The following SLK variants were observed in gnomAD, a reference collection of about 807,000 sequenced individuals.
The protein encoded by SLK is STE20 like kinase, also known as STE20-like serine/threonine-protein kinase.
Under a neutral mutation model 147.7 loss-of-function variants are expected in SLK, and 67 were observed. The observed-to-expected ratio is 0.45, with a 90% confidence interval of 0.37 to 0.56. The LOEUF (loss-of-function observed/expected upper bound fraction) is 0.56. Ranked by LOEUF, SLK falls within the 20% of genes least tolerant of loss-of-function variation. The pLI is 0.00. For synonymous variants in SLK, 441 were observed against 475.0 expected, an observed-to-expected ratio of 0.93 and a Z score of 0.93; for missense variants, 1,136 against 1,438.8, an observed-to-expected ratio of 0.79 and a Z score of 3.41.
At chr10:103,979,738 C>G (rs1305270354) in intron 1 of SLK, among the ~76,000 whole-genome samples, 1 of 152,040 alleles carries the variant, frequency 6.6e-6, no homozygotes, top group Non-Finnish European at 1.5e-5. Context: ...TTATGGGGGT[C>G]ATTATACATT....
At chr10:103,995,820 A>G (rs569167218) in intron 4 of SLK, among the ~76,000 whole-genome samples, 57 of 152,254 alleles carry the variant, frequency 3.7e-4, no homozygotes, top group African/African-American at 1.3e-3. Context: ...GCAGTTTTCT[A>G]TATTGGCCAT....
At chr10:103,981,412 T>C (rs890098158) in intron 1 of SLK, among the ~76,000 whole-genome samples, 1 of 152,166 alleles carries the variant, frequency 6.6e-6, no homozygotes, top group African/African-American at 2.4e-5. Context: ...TCAGAATTCA[T>C]TGTCAAGTCC....
chr10:104,021,536 A>G (rs1844533793), intron 17 of SLK, 84 bp from the exon 18 acceptor site: 2 of 730,340 alleles, frequency 2.7e-6, no homozygotes, highest in East Asian at 5.3e-5. Context: ...TTGATGAGTA[A>G]TTTATTATTA....
chr10:103,993,699 A>G (rs1844129401), intron 4 of SLK, among the ~76,000 whole-genome samples: 1 of 152,190 alleles, frequency 6.6e-6, no homozygotes, highest in African/African-American at 2.4e-5. Flanking sequence ...AATTAGATGT[A>G]GGTCTTATGA....
Position 103,990,716 on chromosome 10 carries a change from G to A in SLK, c.192G>A (p.Val64=). ...CCAGTGTTTTAGCTGCTGCAAAAGTGATTGACACTAAATCTGAAGAAGAAC... is the reference window on the plus strand; with the variant it reads ...CCAGTGTTTTAGCTGCTGCAAAAGTAATTGACACTAAATCTGAAGAAGAAC... ...KETSVLAAAK[V]IDTKSEEELE... The change falls in exon 2 of 19, where the codon GTG becomes GTA. Residue 64 remains valine, a synonymous_variant. Transcript: ENST00000369755. The A allele has an allele frequency of 1.9e-6, 3 of 1,573,264 alleles. No homozygotes were observed. Among genetic ancestry groups the A allele is most frequent in the Non-Finnish European group, 2.6e-6 (3 of 1,163,172 alleles).
At chr10:103,988,618 A>G (rs941488949) in intron 1 of SLK, among the ~76,000 whole-genome samples, 2 of 152,222 alleles carry the variant, frequency 1.3e-5, no homozygotes, top group African/African-American at 4.8e-5. Context: ...CTTACTAGCT[A>G]CATGACCTGG....
rs1316296970 is a variant in SLK at position 103,999,275 on chromosome 10, A to G, written c.744A>G (p.Ala248=). 6.2e-7 allele frequency: 1 copy of G among 1,613,150 alleles called. No individual in the cohort carries two copies. Among genetic ancestry groups the G allele is most frequent in the Non-Finnish European group, 8.5e-7 (1 of 1,179,618 alleles). The change falls in exon 6 of 19, where the codon GCA becomes GCG. Residue 248 remains alanine (A), a synonymous_variant. Transcript: ENST00000369755. The part of the protein sequence containing the change: ...LNPMRVLLKI[A]KSEPPTLAQP... ...CAATGCGAGTGCTGCTAAAAATAGCAAAATCTGAGCCACCTACATTAGCAC... is the reference window on the plus strand; with the variant it reads ...CAATGCGAGTGCTGCTAAAAATAGCGAAATCTGAGCCACCTACATTAGCAC...
intron 15 of SLK, chr10:104,019,194 G>A (rs1844502660): frequency 7.5e-6 from 2 of 266,294 alleles, no homozygotes; most frequent in South Asian, 4.9e-5. Flanking sequence ...GGCTCTATTT[G>A]TGGTTCAAGT....
chr10:104,022,395 G>T (rs375803067), intron 18 of SLK, among the ~76,000 whole-genome samples: 3 of 152,092 alleles, frequency 2.0e-5, no homozygotes, highest in African/African-American at 7.2e-5. Flanking sequence ...TATTCACCTG[G>T]TCTTACTGGC....
chr10:103,984,970 A>G (rs1170226260), intron 1 of SLK, among the ~76,000 whole-genome samples: 7 of 152,162 alleles, frequency 4.6e-5, no homozygotes, highest in African/African-American at 1.4e-4. Flanking sequence ...ATAGATTTTT[A>G]TGCAGTAGTT....
In SLK at chr10:103,981,066, T is replaced by C. The variant is rs561833846; in HGVS notation, c.151-9609T>C. 2.1e-4 allele frequency among the ~76,000 whole-genome samples: 32 copies of C among 152,292 alleles called. 1 individual carries two copies. The South Asian group carries it at 5.6e-3, about 27-fold the overall frequency. ...TACTTATATAGTTTTGACTTATATA[T>C]CTCTAATATTAGTGACGTTGAGCAT... is the stretch of plus-strand genomic sequence containing the variant. On this transcript the variant is annotated intron_variant, in intron 1 of 18. Coordinates refer to ENST00000369755, the MANE Select transcript of SLK (RefSeq NM_014720.4).
At chr10:103,985,230 G>C (rs922233670) in intron 1 of SLK, among the ~76,000 whole-genome samples, 1 of 152,160 alleles carries the variant, frequency 6.6e-6, no homozygotes, top group African/African-American at 2.4e-5. Flanking sequence ...TACTATCCAA[G>C]GTTTCCAGCA....
At chr10:104,018,333 C>T in intron 14 of SLK, 44 bp downstream of exon 14, 2 of 1,547,728 alleles carry the variant, frequency 1.3e-6, no homozygotes, top group Non-Finnish European at 1.8e-6. Flanking sequence ...TGTAGAATTC[C>T]TTATGACAGT....
Position 104,002,762 on chromosome 10 carries a change from A to G in SLK, c.1584A>G (p.Gln528=). The change falls in exon 9 of 19, where the codon CAA becomes CAG. Residue 528 remains glutamine, a synonymous_variant. Transcript: ENST00000369755. ...TTGGGCTTACAAAGGAAGACACCCA[A>G]GAGAAATTGGGGGAAGACGACAAAA... ...SEVGLTKEDT[Q]EKLGEDDKTQ... 1 of 1,614,130 alleles carries G rather than the reference A, an allele frequency of 6.2e-7. No homozygotes were observed. The highest frequency in any genetic ancestry group is 8.5e-7 in the Non-Finnish European group (1 of 1,180,040).
At chr10:104,006,443 G>A (rs1844327246) in intron 11 of SLK, among the ~76,000 whole-genome samples, 1 of 152,116 alleles carries the variant, frequency 6.6e-6, no homozygotes, top group Admixed American at 6.5e-5. Context: ...CTGAGCAGTA[G>A]GACTCCTCAG....
In SLK at chr10:103,979,900, A is replaced by G. The variant is rs1490131074; in HGVS notation, c.151-10775A>G. Among the ~76,000 whole-genome samples, 3 of 152,144 alleles carry G rather than the reference A, an allele frequency of 2.0e-5. 1 individual carries two copies. The South Asian group carries it at 6.2e-4, about 31-fold the overall frequency. ...TTTATTAACTTTTCCCTACATGGCT[A>G]ATGTTTTTGTCTTAAGAAATTCTTT... is the stretch of plus-strand genomic sequence containing the variant. On this transcript the variant is annotated intron_variant, in intron 1 of 18. Coordinates refer to ENST00000369755, the MANE Select transcript of SLK (RefSeq NM_014720.4).
intron 2 of SLK, among the ~76,000 whole-genome samples, chr10:103,991,122 A>G (rs1004648623): frequency 2.0e-5 from 3 of 152,194 alleles, no homozygotes; most frequent in African/African-American, 4.8e-5. Context: ...TTCCTAAAAT[A>G]TGAAATTAGA....
intron 1 of SLK, among the ~76,000 whole-genome samples, chr10:103,987,324 G>T (rs528098268): frequency 5.5e-4 from 83 of 152,134 alleles, no homozygotes; most frequent in Admixed American, 1.8e-3. Context: ...CCATTCACAA[G>T]TATAAAAGAT....
intron 1 of SLK, among the ~76,000 whole-genome samples, chr10:103,970,971 C>G (rs940187298): frequency 6.6e-6 from 1 of 152,146 alleles, no homozygotes; most frequent in Non-Finnish European, 1.5e-5. Context: ...TGTTAGCACT[C>G]AGAAAGTTTC....
Sources: gnomAD v4.1 joint callset for allele counts (sites outside exome capture counted in the v4.1 genomes callset) on GRCh38, gnomAD v4.1.1 for gene constraint, MANE v1.5 for transcripts, NCBI Gene and HGNC (gene_info 2026-07-23, HGNC 2026-07-21) for gene names.